The following BIK variants were observed in gnomAD, a reference collection of about 807,000 sequenced individuals.
BIK encodes bcl-2-interacting killer.
BIK carries 14 observed loss-of-function variants against 12.1 expected under a neutral mutation model. The ratio of observed to expected loss-of-function variants is 1.16; its 90% CI spans 0.77 to 1.81. BIK has a LOEUF of 1.81. Among genes scored for constraint, BIK ranks in the 40% most tolerant of loss-of-function variants. The pLI is 0.00. For synonymous variants in BIK, 86 were observed against 92.3 expected (o/e 0.93, Z 0.39); for missense variants, 215 against 207.9 (o/e 1.03, Z -0.21).
In BIK at chr22:43,129,218, C is replaced by G. The variant is rs756361244; in HGVS notation, c.396C>G (p.Ser132=). 1.0e-5 allele frequency: 16 copies of G among 1,604,530 alleles called. No individual in the cohort carries two copies. Among genetic ancestry groups the G allele is most frequent in the Non-Finnish European group, 1.2e-5 (14 of 1,179,826 alleles). Residue 132 remains serine, a synonymous_variant, in exon 5 of 5, where the codon TCC becomes TCG. Coordinates refer to ENST00000216115, the MANE Select transcript of BIK (RefSeq NM_001197.5). ...WRSPNPGSWV[S]CEQVLLALLL... ...CCTCTGCTTTGCTCCCACAGGTGTC[C>G]TGCGAACAGGTGCTGCTGGCGCTGC...
chr22:43,124,384 C>G (rs542143572), intron 2 of BIK, among the ~76,000 whole-genome samples: 10 of 152,296 alleles, frequency 6.6e-5, no homozygotes, highest in Non-Finnish European at 8.8e-5. Flanking sequence ...CCCCTGATAC[C>G]AGCTCACAGA....
chr22:43,112,563 G>A (rs891928724), intron 1 of BIK, among the ~76,000 whole-genome samples: 3 of 150,574 alleles, frequency 2.0e-5, no homozygotes, highest in East Asian at 1.9e-4. Context: ...GAGCCCCTAT[G>A]CCTGGCCCTT....
At chr22:43,119,475 C>T (rs1041514479) in intron 1 of BIK, among the ~76,000 whole-genome samples, 10 of 152,074 alleles carry the variant, frequency 6.6e-5, no homozygotes, top group South Asian at 2.1e-4. Flanking sequence ...CCTCTCTTAG[C>T]GGTTTACTCT....
chr22:43,117,933 A>G (rs9612010), intron 1 of BIK, among the ~76,000 whole-genome samples: 233 of 152,138 alleles, frequency 1.5e-3, no homozygotes, highest in Non-Finnish European at 2.8e-3. Context: ...TTGGCCTCCC[A>G]AAGTGCTGGG....
rs201603625 is a variant in BIK, at chr22:43,129,325, G to A, written c.*20G>A. 2.0e-4 allele frequency: 325 copies of A among 1,594,386 alleles called. 1 individual carries two copies. Among genetic ancestry groups the A allele is most frequent in the Non-Finnish European group, 2.6e-4 (307 of 1,177,330 alleles). On this transcript the variant is annotated 3_prime_UTR_variant, in exon 5 of 5. Coordinates refer to ENST00000216115, the MANE Select transcript of BIK (RefSeq NM_001197.5). ...AAGTGAGGCCCCGGCGGCTCAGGGC[G>A]GGGCTGGCCCCACCCCCATGACCAC...
In BIK at chr22:43,129,406, C is replaced by G. The variant is rs1930395896; in HGVS notation, c.*101C>G. The G allele has an allele frequency of 6.9e-6, 10 of 1,446,976 alleles. No homozygotes were observed. In the South Asian group the frequency reaches 7.0e-5, roughly 10 times the overall value. The allele number at this position is 1,446,976 out of a possible 1,614,324, so 89.6% of individuals were successfully genotyped here. On this transcript the variant is annotated 3_prime_UTR_variant, in exon 5 of 5. Coordinates refer to ENST00000216115, the MANE Select transcript of BIK (RefSeq NM_001197.5). Reference sequence around the variant, plus strand: ...TCTTTTTAACTGTTTTCTCATGATGCCTTTTTATATTTAAACCCCGAGATA... The same window carrying G: ...TCTTTTTAACTGTTTTCTCATGATGGCTTTTTATATTTAAACCCCGAGATA...
intron 1 of BIK, among the ~76,000 whole-genome samples, chr22:43,123,667 C>T (rs1930258879): frequency 1.3e-5 from 2 of 152,164 alleles, no homozygotes; most frequent in African/African-American, 4.8e-5. Flanking sequence ...AGGAGAATTG[C>T]TTGAACCCAG....
In BIK at chr22:43,129,335, CCA is replaced by C; in HGVS notation, c.*32_*33del. On this transcript the variant is annotated 3_prime_UTR_variant, in exon 5 of 5. Transcript: ENST00000216115. ...CCGGCGGCTCAGGGCGGGGCTGGCC[CCA>C]CCCCCATGACCACTGCCCTGGAGGT... The C allele has an allele frequency of 6.3e-7, 1 of 1,591,996 alleles. No individual in the cohort carries two copies. Among genetic ancestry groups the C allele is most frequent in the Non-Finnish European group, 8.5e-7 (1 of 1,176,338 alleles).
chr22:43,116,553 G>T (rs1302385358), intron 1 of BIK, among the ~76,000 whole-genome samples: 2 of 151,988 alleles, frequency 1.3e-5, no homozygotes, highest in Non-Finnish European at 2.9e-5. Flanking sequence ...CTGCCTCCCA[G>T]GTTCAAGTGA....
chr22:43,124,170 T>C lies in BIK; in HGVS notation c.148T>C (p.Cys50Arg). 6.2e-7 allele frequency: 1 copy of C among 1,614,094 alleles called. No homozygotes were observed. The stretch of plus-strand genomic sequence containing the variant: ...TATGGAGGACTTCGATTCTTTGGAA[T>C]GCATGGAGGGCAGGTAGGTCCCCAT... Reference protein sequence around the residue: ...DPMEDFDSLECMEGSDALALR... With the variant: ...DPMEDFDSLERMEGSDALALR... Residue 50 changes from cysteine (C) to arginine (R), a missense_variant, in exon 2 of 5, where the codon TGC becomes CGC. Physicochemically the swap from Cys to Arg is radical, Grantham distance 180 (BLOSUM62 -3). Coordinates refer to ENST00000216115, the MANE Select transcript of BIK (RefSeq NM_001197.5).
chr22:43,119,316 A>T (rs1201687319), intron 1 of BIK, among the ~76,000 whole-genome samples: 1 of 151,854 alleles, frequency 6.6e-6, no homozygotes, highest in African/African-American at 2.4e-5. Flanking sequence ...GATAATAAAA[A>T]CCAGTCCAGT....
Position 43,116,781 on chromosome 22 carries a change from A to AAT in BIK, c.-8+5980_-8+5981dup, listed in dbSNP as rs1013258872. Among the ~76,000 whole-genome samples the AAT allele has an allele frequency of 8.5e-5, 13 of 152,288 alleles. No homozygotes were observed. In the East Asian group the frequency reaches 1.5e-3, roughly 18 times the overall value. On this transcript the variant is annotated intron_variant, in intron 1 of 4. Coordinates refer to ENST00000216115, the MANE Select transcript of BIK (RefSeq NM_001197.5). Reference sequence around the variant, plus strand: ...CTGGTGAAACCCCGTCTTTACTAAAAATACAAAATTAGCCAGGTGTGGTGG... The same window carrying AAT: ...CTGGTGAAACCCCGTCTTTACTAAAAATATACAAAATTAGCCAGGTGTGGTGG...
intron 1 of BIK, among the ~76,000 whole-genome samples, chr22:43,118,463 C>T (rs1221455458): frequency 6.6e-6 from 1 of 152,200 alleles, no homozygotes; most frequent in Non-Finnish European, 1.5e-5. Flanking sequence ...TGTTCTGCCT[C>T]ACACAGCAGG....
At chr22:43,124,278 G>C in intron 2 of BIK, 95 bp downstream of exon 2, 1 of 1,437,482 alleles carries the variant, frequency 7.0e-7, no homozygotes, top group Non-Finnish European at 9.5e-7. Context: ...AGCGCCTGCA[G>C]ATGCCTCCCA....
intron 1 of BIK, among the ~76,000 whole-genome samples, chr22:43,119,554 T>A (rs1197053766): frequency 1.3e-5 from 2 of 152,092 alleles, no homozygotes; most frequent in Non-Finnish European, 2.9e-5. Context: ...ATTCTAATTT[T>A]TTTTTTTTCT....
Position 43,129,381 on chromosome 22 carries a change from T to C in BIK, c.*76T>C, listed in dbSNP as rs1390114663. 2 of 1,509,636 alleles carry C rather than the reference T, an allele frequency of 1.3e-6. No homozygotes were observed. Among genetic ancestry groups the C allele is most frequent in the African/African-American group, 2.8e-5 (2 of 71,638 alleles). 93.5% of individuals were successfully genotyped at this position (1,509,636 alleles called of 1,614,324 possible). On this transcript the variant is annotated 3_prime_UTR_variant, in exon 5 of 5. Transcript: ENST00000216115. ...TGGAGGTGGCGGCCTGCTGCTGTTA[T>C]CTTTTTAACTGTTTTCTCATGATGC...
chr22:43,120,583 C>T (rs1297096761), intron 1 of BIK, among the ~76,000 whole-genome samples: 1 of 152,224 alleles, frequency 6.6e-6, no homozygotes, highest in Non-Finnish European at 1.5e-5. Context: ...AGGCTGGAGA[C>T]CAGTAAGGCA....
chr22:43,110,848 C>T (rs903662041), intron 1 of BIK, 45 bp downstream of exon 1: 2 of 152,172 alleles, frequency 1.3e-5, no homozygotes, highest in African/African-American at 4.8e-5. Flanking sequence ...CCGCCCAGCT[C>T]GAGCCCGGCG....
intron 1 of BIK, among the ~76,000 whole-genome samples, chr22:43,121,262 G>C (rs1415984197): frequency 2.6e-5 from 4 of 152,292 alleles, no homozygotes; most frequent in African/African-American, 9.6e-5. Flanking sequence ...GGAAGGGTTG[G>C]GCTAGGGTAT....
Sources: allele counts gnomAD v4.1 joint callset (sites outside exome capture counted in the v4.1 genomes callset), GRCh38; gene constraint gnomAD v4.1.1; transcripts MANE v1.5; gene names NCBI Gene and HGNC (gene_info 2026-07-23, HGNC 2026-07-21).